MYCBP2: variants seen among roughly 807,000 people sequenced by gnomAD.
MYCBP2 encodes the protein E3 ubiquitin-protein ligase MYCBP2.
In MYCBP2, 120 loss-of-function variants were observed where a neutral mutation model predicts 525.3. That is an observed-to-expected ratio of 0.23 (90% CI 0.20 to 0.27). The LOEUF is 0.27. MYCBP2 is among the 10% of genes least tolerant of loss of function. MYCBP2 has a pLI of 1.00. For missense variants in MYCBP2, 4,149 were observed against 5,657.1 expected, an observed-to-expected ratio of 0.73 and a Z score of 8.55; for synonymous variants, 1,894 against 1,955.8, an observed-to-expected ratio of 0.97 and a Z score of 0.83.
At chr13:77,149,830 T>G (rs980759068) in intron 47 of MYCBP2, among the ~76,000 whole-genome samples, 35 of 152,216 alleles carry the variant, frequency 2.3e-4, no homozygotes, top group South Asian at 2.1e-4. Flanking sequence ...CTATCCTCAT[T>G]GACAACTCAC....
intron 55 of MYCBP2, chr13:77,100,515 G>T (rs1165015822): frequency 6.6e-6 from 1 of 151,936 alleles, no homozygotes; most frequent in Non-Finnish European, 1.5e-5. Flanking sequence ...TTACAATTAA[G>T]GCTCCCAAGG....
At chr13:77,186,212 A>C in intron 30 of MYCBP2, 149 bp from the exon 31 acceptor site, 1 of 531,232 alleles carries the variant, frequency 1.9e-6, no homozygotes, top group Non-Finnish European at 3.2e-6. Context: ...ACTGAGCCCA[A>C]GACACTTTTA....
At chr13:77,241,392 T>A in intron 17 of MYCBP2, among the ~76,000 whole-genome samples, 1 of 152,210 alleles carries the variant, frequency 6.6e-6, no homozygotes, top group East Asian at 1.9e-4. Context: ...TACTGTAGTT[T>A]AAATGTAAGA....
At position 77,164,453 on chromosome 13, in the gene MYCBP2, C is replaced by A. The variant is rs1480732648; in HGVS notation, c.6547+1G>T. 1 of 1,602,030 alleles carries A rather than the reference C, an allele frequency of 6.2e-7. No homozygotes were observed. On this transcript the variant is annotated splice_donor_variant, in intron 43 of 82. Transcript: ENST00000544440. LOFTEE classifies it high-confidence loss of function. The stretch of plus-strand genomic sequence containing the variant: ...AAACATCCAGTATTGGCCACACTTA[C>A]CAATAGGAAGTGCTAGGTCCTTCTT...
Position 77,327,059 on chromosome 13 carries a change from C to G in MYCBP2, c.-284G>C. ...CTGCCGCCGCCACCACCGCTACCAC[C>G]GCCACCACCGCCGGGGCTACCCGCA... On this transcript the variant is annotated 5_prime_UTR_variant, in exon 1 of 83. Coordinates refer to ENST00000544440, the MANE Select transcript of MYCBP2 (RefSeq NM_015057.5). The G allele has an allele frequency of 2.3e-6, 1 of 437,342 alleles. No individual in the cohort carries two copies. The highest frequency in any genetic ancestry group is 4.0e-6 in the Non-Finnish European group (1 of 252,222). 27.1% of individuals were successfully genotyped at this position (437,342 alleles called of 1,614,324 possible).
chr13:77,079,021 C>G (rs778542799), intron 65 of MYCBP2, 132 bp from the exon 66 acceptor site: 7 of 671,022 alleles, frequency 1.0e-5, no homozygotes, highest in Non-Finnish European at 1.8e-5. Flanking sequence ...TTGACCCCAC[C>G]CCATCCCTCC....
At chr13:77,269,140 A>G (rs2074500089) in intron 7 of MYCBP2, among the ~76,000 whole-genome samples, 1 of 152,204 alleles carries the variant, frequency 6.6e-6, no homozygotes, top group Non-Finnish European at 1.5e-5. Context: ...TGGTCAGGAG[A>G]TAAGATCACA....
At position 77,188,967 on chromosome 13, in the gene MYCBP2, G is replaced by T; in HGVS notation, c.4235C>A (p.Ala1412Glu). 1 of 1,597,768 alleles carries T rather than the reference G, an allele frequency of 6.3e-7. No individual in the cohort carries two copies. The highest frequency in any genetic ancestry group is 8.5e-7 in the Non-Finnish European group (1 of 1,173,574). The change falls in exon 30 of 83, where the codon GCA becomes GAA. Residue 1412 changes from alanine (A) to glutamate (E), a missense_variant. Transcript: ENST00000544440. ...EPVHILKRSFARTVSVECFES... is the reference protein window; with the variant it reads ...EPVHILKRSFERTVSVECFES... ...ATGGCTTACCACTGAGACAGTTCTT[G>T]CAAAAGACCTCTTTAAAATGTGTAC...
chr13:77,157,224 T>G (rs1270873130), intron 45 of MYCBP2, among the ~76,000 whole-genome samples: 1 of 152,118 alleles, frequency 6.6e-6, no homozygotes, highest in African/African-American at 2.4e-5. Flanking sequence ...ACTACAGGTG[T>G]GTGCCACCAT....
At chr13:77,312,209 C>T (rs2080337222) in intron 1 of MYCBP2, among the ~76,000 whole-genome samples, 1 of 152,038 alleles carries the variant, frequency 6.6e-6, no homozygotes, top group South Asian at 2.1e-4. Flanking sequence ...GAGAATGTAT[C>T]CCCAGCAGAC....
intron 52 of MYCBP2, among the ~76,000 whole-genome samples, chr13:77,135,554 G>A (rs781480168): frequency 9.2e-5 from 14 of 152,180 alleles, no homozygotes; most frequent in Non-Finnish European, 1.8e-4. Flanking sequence ...GCCTATGCCA[G>A]GCCTCTGACT....
Position 77,288,243 on chromosome 13 carries a change from G to A in MYCBP2, c.512C>T (p.Ala171Val), listed in dbSNP as rs2077095119. The A allele has an allele frequency of 6.2e-7, 1 of 1,614,050 alleles. No homozygotes were observed. The highest frequency in any genetic ancestry group is 1.3e-5 in the African/African-American group (1 of 74,922). Residue 171 changes from alanine to valine, a missense_variant, in exon 3 of 83, where the codon GCA becomes GTA. Transcript: ENST00000544440. Reference protein sequence around the residue: ...WQKKEISLAAASKNSVQSGES... With the variant: ...WQKKEISLAAVSKNSVQSGES... ...TCCACTCTGCACAGAGTTCTTAGAT[G>A]CGGCTGCCAATGATATTTCCTTTTT...
At chr13:77,143,585 T>G (rs2055030573) in intron 49 of MYCBP2, among the ~76,000 whole-genome samples, 1 of 152,220 alleles carries the variant, frequency 6.6e-6, no homozygotes, top group African/African-American at 2.4e-5. Flanking sequence ...TGGCCCATAA[T>G]GGGACTTTTC....
intron 4 of MYCBP2, among the ~76,000 whole-genome samples, chr13:77,277,145 C>G (rs1167525813): frequency 3.9e-5 from 6 of 152,126 alleles, no homozygotes; most frequent in African/African-American, 1.4e-4. Context: ...AAAGAAATAA[C>G]ATGTTCAAAG....
chr13:77,068,529 C>T (rs2040583819), intron 70 of MYCBP2, 36 bp downstream of exon 70: 11 of 1,591,384 alleles, frequency 6.9e-6, no homozygotes, highest in South Asian at 2.2e-5. Flanking sequence ...TTTCAAGTAA[C>T]AAAAGCAATG....
chr13:77,203,777 G>C (rs1320194305), intron 26 of MYCBP2, among the ~76,000 whole-genome samples: 3 of 151,880 alleles, frequency 2.0e-5, no homozygotes, highest in African/African-American at 4.8e-5. Flanking sequence ...ACAAACCTGA[G>C]AAAAACAAGA....
At chr13:77,089,796 C>T (rs1298227448) in intron 60 of MYCBP2, among the ~76,000 whole-genome samples, 7 of 151,830 alleles carry the variant, frequency 4.6e-5, no homozygotes, top group Non-Finnish European at 8.8e-5. Context: ...AACTCCTGGT[C>T]CACAAAAGTT....
At chr13:77,089,143 C>A in intron 60 of MYCBP2, 112 bp from the exon 61 acceptor site, 1 of 763,108 alleles carries the variant, frequency 1.3e-6, no homozygotes, top group Non-Finnish European at 2.0e-6. Flanking sequence ...TTGAACATGA[C>A]ACAAATCATA....
At chr13:77,308,935 C>A (rs952349376) in intron 1 of MYCBP2, among the ~76,000 whole-genome samples, 1 of 152,260 alleles carries the variant, frequency 6.6e-6, no homozygotes, top group East Asian at 1.9e-4. Context: ...AACTCTCTGG[C>A]GCATGTGAGT....
Sources: allele counts gnomAD v4.1 joint callset (sites outside exome capture counted in the v4.1 genomes callset), GRCh38; gene constraint gnomAD v4.1.1; transcripts MANE v1.5; gene names NCBI Gene and HGNC (gene_info 2026-07-23, HGNC 2026-07-21).